The following HEG1 variants were observed in gnomAD, a reference collection of about 807,000 sequenced individuals.
The protein encoded by HEG1 is protein HEG homolog 1.
Under a neutral mutation model 125.6 loss-of-function variants are expected in HEG1, and 56 were observed. That is an observed-to-expected ratio of 0.45 (90% CI 0.36 to 0.56). The LOEUF (loss-of-function observed/expected upper bound fraction) is 0.56. Among genes scored for constraint, HEG1 ranks in the 20% least tolerant of loss-of-function variants. The pLI is 0.00. For missense variants in HEG1, 1,523 were observed against 1,670.0 expected (o/e 0.91, Z 1.53); for synonymous variants, 644 against 668.5 (o/e 0.96, Z 0.57).
At chr3:125,019,013 C>T (rs964645416) in intron 5 of HEG1, among the ~76,000 whole-genome samples, 4 of 152,118 alleles carry the variant, frequency 2.6e-5, no homozygotes, top group South Asian at 2.1e-4. Context: ...ATTACAGGTG[C>T]CTGCCATCAC....
intron 14 of HEG1, among the ~76,000 whole-genome samples, chr3:124,979,035 C>T (rs548570959): frequency 1.3e-5 from 2 of 151,942 alleles, no homozygotes; most frequent in African/African-American, 4.8e-5. Flanking sequence ...ACTGAACCTC[C>T]ACCTCCTGGG....
chr3:125,043,755 T>G (rs1390831253), intron 1 of HEG1, among the ~76,000 whole-genome samples: 4 of 151,906 alleles, frequency 2.6e-5, no homozygotes, highest in Non-Finnish European at 4.4e-5. Flanking sequence ...GTTGTCACCG[T>G]CACATTTGAT....
At chr3:124,978,046 G>T in intron 14 of HEG1, 100 bp from the exon 15 acceptor site, 13 of 802,046 alleles carry the variant, frequency 1.6e-5, no homozygotes, top group Non-Finnish European at 2.6e-5. Context: ...TCACCACCCT[G>T]CCTTGAGGGG....
intron 2 of HEG1, 37 bp downstream of exon 2, chr3:125,029,158 C>T (rs1477265841): frequency 6.3e-7 from 1 of 1,587,818 alleles, no homozygotes; most frequent in Non-Finnish European, 8.6e-7. Flanking sequence ...GGACTGGACA[C>T]ACATGCGTGA....
intron 3 of HEG1, among the ~76,000 whole-genome samples, chr3:125,025,473 C>T (rs1009982794): frequency 2.0e-5 from 3 of 152,124 alleles, no homozygotes; most frequent in African/African-American, 7.2e-5. Context: ...TACGATGAAA[C>T]TCACCAGCAG....
At chr3:124,978,554 A>C (rs534412065) in intron 14 of HEG1, among the ~76,000 whole-genome samples, 1 of 152,290 alleles carries the variant, frequency 6.6e-6, no homozygotes, top group South Asian at 2.1e-4. Context: ...GAGAAAAATA[A>C]ATGTGAGTTA....
chr3:124,995,118 G>A (rs985194773), intron 12 of HEG1, among the ~76,000 whole-genome samples: 1 of 152,146 alleles, frequency 6.6e-6, no homozygotes, highest in Non-Finnish European at 1.5e-5. Context: ...CGGCAACATG[G>A]CAAAAGCCCA....
chr3:124,994,101 T>A (rs1280208243), intron 12 of HEG1, among the ~76,000 whole-genome samples: 1 of 152,066 alleles, frequency 6.6e-6, no homozygotes, highest in Non-Finnish European at 1.5e-5. Context: ...AAGGGGGTGG[T>A]CTTGGGAAGA....
At chr3:125,029,129 G>C in intron 2 of HEG1, 66 bp downstream of exon 2, 1 of 1,506,712 alleles carries the variant, frequency 6.6e-7, no homozygotes, top group Non-Finnish European at 9.0e-7. Context: ...GTGGGGAATG[G>C]CAGAAACTTT....
Position 125,027,454 on chromosome 3 carries a change from C to T in HEG1, c.664G>A (p.Ala222Thr), listed in dbSNP as rs762235443. 9.3e-6 allele frequency: 15 copies of T among 1,613,624 alleles called. No individual in the cohort carries two copies. The highest frequency in any genetic ancestry group is 1.3e-5 in the Non-Finnish European group (15 of 1,179,762). ...GTTCCACTCTTTGTTTGAAAAGCGG[C>T]AATTCTTTCATCGAACTCTGAACTG... ...SSSSEFDERI[A>T]AFQTKSGTAS... Residue 222 changes from alanine to threonine, a missense_variant, in exon 3 of 17, where the codon GCC becomes ACC. By Grantham distance (58) the Ala-to-Thr change is moderately conservative (BLOSUM62 0). Coordinates refer to ENST00000311127, the MANE Select transcript of HEG1 (RefSeq NM_020733.2).
intron 1 of HEG1, among the ~76,000 whole-genome samples, chr3:125,040,614 A>T (rs915485796): frequency 6.6e-6 from 1 of 152,204 alleles, no homozygotes; most frequent in African/African-American, 2.4e-5. Flanking sequence ...CTTAGATACC[A>T]GCAATGGATC....
At chr3:125,008,372 G>A (rs1330538558) in intron 8 of HEG1, among the ~76,000 whole-genome samples, 1 of 152,202 alleles carries the variant, frequency 6.6e-6, no homozygotes, top group Non-Finnish European at 1.5e-5. Flanking sequence ...ACAGGTAATA[G>A]CACTTTCAAA....
At position 125,012,741 on chromosome 3, in the gene HEG1, T is replaced by C; in HGVS notation, c.2838A>G (p.Thr946=). 6.2e-7 allele frequency: 1 copy of C among 1,614,034 alleles called. No homozygotes were observed. The highest frequency in any genetic ancestry group is 2.2e-5 in the East Asian group (1 of 44,884). The change falls in exon 6 of 17, where the codon ACA becomes ACG. Residue 946 remains threonine (T), a synonymous_variant. Transcript: ENST00000311127. The part of the protein sequence containing the change: ...EYSPASRSLG[T]SPSPQTTVVS... ...CAACTGTGGTTTGGGGAGAAGGAGA[T>C]GTTCCGAGGGAACGTGAAGCTGGGC... is the stretch of plus-strand genomic sequence containing the variant.
Position 125,055,944 on chromosome 3 carries a change from G to GGCAGCGA in HEG1, c.-55_-54insTCGCTGC. 3.5e-6 allele frequency: 3 copies of GGCAGCGA among 854,154 alleles called. No homozygotes were observed. The highest frequency in any genetic ancestry group is 4.2e-6 in the Non-Finnish European group (3 of 711,908). 52.9% of individuals were successfully genotyped at this position (854,154 alleles called of 1,614,324 possible). A position where few individuals can be genotyped will look rare whatever the true frequency, so the allele number is the denominator to read the frequency against. On this transcript the variant is annotated 5_prime_UTR_variant, in exon 1 of 17. Coordinates refer to ENST00000311127, the MANE Select transcript of HEG1 (RefSeq NM_020733.2). Reference sequence around the variant, plus strand: ...CCCGGCGCGCGGGGCGAGGGCAGCGGGCAGCGGGCAGCGGGCGGCGGGGGC... The same window carrying GGCAGCGA: ...CCCGGCGCGCGGGGCGAGGGCAGCGGGCAGCGAGCAGCGGGCAGCGGGCGGCGGGGGC...
chr3:125,041,308 C>A (rs1284633766), intron 1 of HEG1, among the ~76,000 whole-genome samples: 1 of 152,200 alleles, frequency 6.6e-6, no homozygotes, highest in Admixed American at 6.5e-5. Context: ...AACCAAATAA[C>A]CTGACCTTCA....
At chr3:125,027,836 C>A (rs369395442) in intron 2 of HEG1, among the ~76,000 whole-genome samples, 114 of 152,292 alleles carry the variant, frequency 7.5e-4, no homozygotes, top group African/African-American at 2.7e-3. Flanking sequence ...CAGAATGTAC[C>A]TGAATGCAAT....
chr3:125,008,636 A>G (rs1305054237), intron 8 of HEG1, among the ~76,000 whole-genome samples: 3 of 152,148 alleles, frequency 2.0e-5, no homozygotes, highest in Admixed American at 6.5e-5. Flanking sequence ...CTTCTATACT[A>G]AAAATACAAA....
At chr3:124,980,627 A>G (rs547785836) in intron 14 of HEG1, among the ~76,000 whole-genome samples, 30 of 151,866 alleles carry the variant, frequency 2.0e-4, no homozygotes, top group African/African-American at 7.0e-4. Flanking sequence ...AGCGATTCTC[A>G]TGCCTCAACC....
At chr3:124,991,150 CTTTTTT>C (rs140940360) in intron 12 of HEG1, among the ~76,000 whole-genome samples, 164 bp from the exon 13 acceptor site, 2 of 134,226 alleles carry the variant, frequency 1.5e-5, no homozygotes, top group African/African-American at 5.5e-5. Context: ...CGGCACAACT[CTTTTTT>C]TTTTTTTTTC....
Sources: gnomAD v4.1 joint callset for allele counts (sites outside exome capture counted in the v4.1 genomes callset) on GRCh38, gnomAD v4.1.1 for gene constraint, MANE v1.5 for transcripts, NCBI Gene and HGNC (gene_info 2026-07-23, HGNC 2026-07-21) for gene names.